The following KLF13 variants were observed in gnomAD, a reference collection of about 807,000 sequenced individuals.
The protein encoded by KLF13 is KLF transcription factor 13.
A neutral mutation model predicts 16.7 loss-of-function variants in KLF13; 8 were observed. The observed-to-expected ratio is 0.48, with a 90% CI of 0.28 to 0.87. The LOEUF (loss-of-function observed/expected upper bound fraction) is 0.87. Ranked by LOEUF, KLF13 falls within the 40% of genes least tolerant of loss-of-function variation. The pLI, the probability that KLF13 is intolerant of heterozygous loss-of-function variation, is 0.10. For synonymous variants in KLF13, 245 were observed against 208.4 expected (o/e 1.18, Z -1.51); for missense variants, 447 against 452.2 (o/e 0.99, Z 0.10).
At chr15:31,415,786 A>C (rs2141004603) in intron 1 of KLF13, among the ~76,000 whole-genome samples, 1 of 152,218 alleles carries the variant, frequency 6.6e-6, no homozygotes, top group Non-Finnish European at 1.5e-5. Flanking sequence ...ATTAGAATAG[A>C]AATCAATGAA....
rs575417163 is a variant in KLF13, at chr15:31,377,738, G to A, written c.*5439G>A. ...TTCCCAGTCTGGCCTTGGCTTGCTCGGATAAAACTTTGTATGTATTTTGTA... is the reference window on the plus strand; with the variant it reads ...TTCCCAGTCTGGCCTTGGCTTGCTCAGATAAAACTTTGTATGTATTTTGTA... On this transcript the variant is annotated 3_prime_UTR_variant, in exon 2 of 2. Coordinates refer to ENST00000307145, the MANE Select transcript of KLF13 (RefSeq NM_015995.4). The A allele has an allele frequency of 4.6e-5, 7 of 152,522 alleles. No homozygotes were observed. Among genetic ancestry groups the A allele is most frequent in the South Asian group, 4.1e-4 (2 of 4,832 alleles). 9.4% of individuals were successfully genotyped at this position (152,522 alleles called of 1,614,324 possible). A position where few individuals can be genotyped will look rare whatever the true frequency, so the allele number is the denominator to read the frequency against.
intron 1 of KLF13, among the ~76,000 whole-genome samples, chr15:31,337,834 C>A (rs2038956341): frequency 6.6e-6 from 1 of 152,212 alleles, no homozygotes; most frequent in African/African-American, 2.4e-5. Flanking sequence ...GCTGCTTGGC[C>A]TAAGGTGCCA....
At chr15:31,352,553 G>A (rs933590977) in intron 1 of KLF13, among the ~76,000 whole-genome samples, 4 of 152,194 alleles carry the variant, frequency 2.6e-5, no homozygotes, top group Admixed American at 6.5e-5. Flanking sequence ...CACTTGGTGT[G>A]CCTCTGGCTC....
intron 1 of KLF13, among the ~76,000 whole-genome samples, chr15:31,355,547 T>G (rs527789505): frequency 8.5e-4 from 129 of 152,288 alleles, no homozygotes; most frequent in Non-Finnish European, 1.7e-3. Flanking sequence ...GTATTTACCT[T>G]TCCCAGCTCG....
chr15:31,420,809 CA>C lies in KLF13; in HGVS notation n.118-14560del, dbSNP rs2040313416. ...CCAGGTTCAAACGATTCTCGTGCCT[CA>C]GCCTCCCGAGTAGCTGGGATTACAA... is the stretch of plus-strand genomic sequence containing the variant. On this transcript the variant is annotated intron_variant and non_coding_transcript_variant, in intron 1 of 1. Coordinates refer to the KLF13 transcript ENST00000558225. 4.0e-5 allele frequency: 7 copies of C among 174,172 alleles called. No homozygotes were observed. The East Asian group carries it at 1.2e-3, about 30-fold the overall frequency. 10.8% of individuals were successfully genotyped at this position (174,172 alleles called of 1,614,324 possible).
chr15:31,405,862 G>C (rs7174005), downstream of KLF13, among the ~76,000 whole-genome samples: 142,415 of 152,288 alleles, frequency 0.94, 66,738 homozygotes, highest in East Asian at 1. Context: ...ACAGAAGGAC[G>C]AAGAGGAACA....
upstream of KLF13, among the ~76,000 whole-genome samples, chr15:31,388,150 ATTC>A (rs1362193995): frequency 6.6e-6 from 1 of 152,146 alleles, no homozygotes; most frequent in Non-Finnish European, 1.5e-5. Flanking sequence ...GGTGGTTATT[ATTC>A]TTCTCATCAG....
chr15:31,333,076 C>T (rs772171509), intron 1 of KLF13, among the ~76,000 whole-genome samples: 4 of 152,200 alleles, frequency 2.6e-5, no homozygotes, highest in Non-Finnish European at 5.9e-5. Context: ...ATAGTACACT[C>T]AACTTTCACA....
chr15:31,417,550 CT>C (rs887751828), intron 1 of KLF13, among the ~76,000 whole-genome samples: 2 of 150,648 alleles, frequency 1.3e-5, no homozygotes, highest in South Asian at 2.1e-4. Flanking sequence ...CTTTTTTTTC[CT>C]TTTTTTTAAA....
chr15:31,378,366 C>T (rs745457460), downstream of KLF13, among the ~76,000 whole-genome samples: 42 of 152,212 alleles, frequency 2.8e-4, 1 homozygote, highest in Non-Finnish European at 4.9e-4. Context: ...CAACCTACCA[C>T]GGGCACTGAC....
intron 1 of KLF13, among the ~76,000 whole-genome samples, chr15:31,431,961 T>C (rs138522765): frequency 2.0e-5 from 3 of 151,876 alleles, no homozygotes; most frequent in African/African-American, 7.3e-5. Flanking sequence ...GGCAGAGATC[T>C]GGGGAAGGGC....
chr15:31,426,648 C>G (rs2040404848), intron 1 of KLF13, among the ~76,000 whole-genome samples: 1 of 152,138 alleles, frequency 6.6e-6, no homozygotes, highest in African/African-American at 2.4e-5. Flanking sequence ...GGACAAATGA[C>G]TTGAGCAGAC....
chr15:31,435,501 C>A (rs570900086), exon 2 of KLF13: 2 of 152,208 alleles, frequency 1.3e-5, no homozygotes, highest in African/African-American at 2.4e-5. Context: ...AATGTCGACA[C>A]GCCCTCCAGT....
intron 1 of KLF13, among the ~76,000 whole-genome samples, chr15:31,353,022 C>A (rs1028415862): frequency 6.6e-6 from 1 of 152,182 alleles, no homozygotes; most frequent in African/African-American, 2.4e-5. Context: ...TTGGAGTGTG[C>A]GGCTTGCTCT....
At chr15:31,409,847 C>CT (rs575713809) in intron 1 of KLF13, among the ~76,000 whole-genome samples, 38 of 152,210 alleles carry the variant, frequency 2.5e-4, no homozygotes, top group African/African-American at 7.7e-4. Flanking sequence ...AAATTTTCTA[C>CT]TAGCAGCCCT....
At position 31,372,444 on chromosome 15, in the gene KLF13, A is replaced by G; in HGVS notation, c.*145A>G. 1.2e-6 allele frequency: 1 copy of G among 868,420 alleles called. No individual in the cohort carries two copies. Among genetic ancestry groups the G allele is most frequent in the South Asian group, 2.7e-5 (1 of 37,052 alleles). 53.8% of individuals were successfully genotyped at this position (868,420 alleles called of 1,614,324 possible). ...CCTCAGGTGTCAAAGTAAATTTGTT[A>G]AAAAAACAAAAAAAACACAAAAATT... On this transcript the variant is annotated 3_prime_UTR_variant, in exon 2 of 2. Transcript: ENST00000307145.
intron 1 of KLF13, among the ~76,000 whole-genome samples, chr15:31,333,029 A>G (rs1475144923): frequency 6.6e-6 from 1 of 152,078 alleles, no homozygotes; most frequent in African/African-American, 2.4e-5. Context: ...GCTTTCAGGA[A>G]GCAATTAAAA....
At chr15:31,413,686 C>A (rs1327727304) in intron 1 of KLF13, among the ~76,000 whole-genome samples, 1 of 151,784 alleles carries the variant, frequency 6.6e-6, no homozygotes, top group African/African-American at 2.4e-5. Context: ...AAACAAAAAC[C>A]CAGAGAATTT....
intron 1 of KLF13, among the ~76,000 whole-genome samples, chr15:31,429,547 G>A (rs1291337111): frequency 6.6e-6 from 1 of 152,062 alleles, no homozygotes. Flanking sequence ...TGAACTTAAA[G>A]CCACTGACTT....
Sources: gnomAD v4.1 joint callset for allele counts (sites outside exome capture counted in the v4.1 genomes callset) on GRCh38, gnomAD v4.1.1 for gene constraint, MANE v1.5 for transcripts, NCBI Gene and HGNC (gene_info 2026-07-23, HGNC 2026-07-21) for gene names.